The following PXT1 variants were observed in gnomAD, a reference collection of about 807,000 sequenced individuals.
The protein encoded by PXT1 is peroxisomal testis enriched protein 1, also known as peroxisomal testis-specific protein 1.
In PXT1, 11 loss-of-function variants were observed where a neutral mutation model predicts 11.0. The observed-to-expected ratio is 1.00, with a 90% CI of 0.63 to 1.66. PXT1 has a LOEUF of 1.66. Ranked by LOEUF, PXT1 falls within the 40% of genes most tolerant of loss-of-function variation. The probability of loss-of-function intolerance (pLI) is 0.00; values close to 1 mark genes in which losing one functional copy is unlikely to be tolerated. For missense variants in PXT1, 141 were observed against 155.5 expected, an observed-to-expected ratio of 0.91 and a Z score of 0.49; for synonymous variants, 43 against 51.4, an observed-to-expected ratio of 0.84 and a Z score of 0.70.
At chr6:36,411,519 A>G (rs1774375652) in intron 3 of PXT1, among the ~76,000 whole-genome samples, 1 of 152,234 alleles carries the variant, frequency 6.6e-6, no homozygotes, top group Non-Finnish European at 1.5e-5. Context: ...TTGATGAGTT[A>G]CACAGAACAG....
At chr6:36,430,121 T>C (rs628314) in intron 2 of PXT1, among the ~76,000 whole-genome samples, 65,235 of 151,548 alleles carry the variant, frequency 0.43, 15,489 homozygotes, top group African/African-American at 0.61. Context: ...GCAGGAAAAT[T>C]GCCTGAACCC....
At chr6:36,413,273 T>C (rs1774400274) in intron 3 of PXT1, among the ~76,000 whole-genome samples, 1 of 151,910 alleles carries the variant, frequency 6.6e-6, no homozygotes. Flanking sequence ...AAAAATTAGC[T>C]GGGTGTGGTG....
chr6:36,433,871 G>A (rs937978447), intron 2 of PXT1, among the ~76,000 whole-genome samples: 2 of 143,868 alleles, frequency 1.4e-5, no homozygotes, highest in African/African-American at 2.6e-5. Context: ...AGATAAGAAA[G>A]CCAAATGCAA....
Position 36,426,070 on chromosome 6 carries a change from G to T in PXT1, c.13C>A (p.His5Asn). Residue 5 changes from histidine (H) to asparagine (N), a missense_variant, in exon 3 of 5, where the codon CAT becomes AAT. His to Asn is a moderately conservative substitution (Grantham distance 68, BLOSUM62 1). Coordinates refer to ENST00000454782, the MANE Select transcript of PXT1 (RefSeq NM_152990.4). ...TTAGTTTCATAAACAATGCCATCAT[G>T]TTTTTTCTTCATGTTTTTTCCCTGT... MKKK[H>N]DGIVYETKEV... 1.3e-6 allele frequency: 2 copies of T among 1,507,050 alleles called. No homozygotes were observed. Among genetic ancestry groups the T allele is most frequent in the East Asian group, 2.5e-5 (1 of 39,224 alleles). The allele number at this position is 1,507,050 out of a possible 1,614,324, so 93.4% of individuals were successfully genotyped here.
chr6:36,410,841 G>A (rs1376087942), intron 3 of PXT1, among the ~76,000 whole-genome samples: 3 of 152,190 alleles, frequency 2.0e-5, no homozygotes, highest in Non-Finnish European at 2.9e-5. Context: ...CCATTTGGGA[G>A]AGTCCTGGAG....
intron 4 of PXT1, among the ~76,000 whole-genome samples, chr6:36,396,594 C>T (rs1332449476): frequency 6.6e-6 from 1 of 152,212 alleles, no homozygotes; most frequent in Non-Finnish European, 1.5e-5. Flanking sequence ...CAGGGAAGGC[C>T]TAAAGGCTGG....
At chr6:36,408,831 T>G (rs1212577645) in intron 3 of PXT1, among the ~76,000 whole-genome samples, 1 of 151,512 alleles carries the variant, frequency 6.6e-6, no homozygotes, top group Non-Finnish European at 1.5e-5. Flanking sequence ...CAGTGACCCA[T>G]GATCATGCCA....
intron 3 of PXT1, among the ~76,000 whole-genome samples, chr6:36,408,850 C>T (rs377753492): frequency 6.6e-6 from 1 of 151,834 alleles, no homozygotes; most frequent in East Asian, 1.9e-4. Flanking sequence ...CACTGCACCC[C>T]AGCCTGGGTG....
chr6:36,427,118 T>C (rs550072865), intron 2 of PXT1, among the ~76,000 whole-genome samples: 10 of 151,600 alleles, frequency 6.6e-5, no homozygotes, highest in African/African-American at 2.2e-4. Flanking sequence ...TTCTCCTGCC[T>C]CACCCTCCCG....
chr6:36,418,064 C>T (rs1031149782), intron 3 of PXT1, among the ~76,000 whole-genome samples: 1 of 151,204 alleles, frequency 6.6e-6, no homozygotes, highest in Non-Finnish European at 1.5e-5. Context: ...GGCGTGGTGG[C>T]GGGCGCCTGT....
chr6:36,400,729 G>C, intron 3 of PXT1, 145 bp from the exon 4 acceptor site: 3 of 778,736 alleles, frequency 3.9e-6, no homozygotes, highest in Non-Finnish European at 5.8e-6. Context: ...AGCACTTTAG[G>C]AGGCCGAGGT....
At position 36,391,729 on chromosome 6, in the gene PXT1, A is replaced by G; in HGVS notation, c.*41T>C. 1.5e-6 allele frequency: 2 copies of G among 1,339,634 alleles called. No individual in the cohort carries two copies. Among genetic ancestry groups the G allele is most frequent in the Non-Finnish European group, 2.1e-6 (2 of 931,464 alleles). 83.0% of individuals were successfully genotyped at this position (1,339,634 alleles called of 1,614,324 possible). On this transcript the variant is annotated 3_prime_UTR_variant, in exon 5 of 5. Coordinates refer to ENST00000454782, the MANE Select transcript of PXT1 (RefSeq NM_152990.4). The stretch of plus-strand genomic sequence containing the variant: ...TGGGATTCATGTTTCTCAGAGGGTA[A>G]AAAGAAAACAGAACTTGACCACTTG...
chr6:36,399,136 C>T (rs12193207), intron 4 of PXT1, among the ~76,000 whole-genome samples: 18 of 35,364 alleles, frequency 5.1e-4, no homozygotes, highest in African/African-American at 1.1e-3. Context: ...TATTTTATTT[C>T]ATTTCATTTC....
At chr6:36,432,019 C>T (rs1249898452) in intron 2 of PXT1, among the ~76,000 whole-genome samples, 3 of 152,000 alleles carry the variant, frequency 2.0e-5, no homozygotes, top group South Asian at 4.2e-4. Context: ...TGCAGTGAGC[C>T]GAGATTGCGC....
At chr6:36,392,504 A>C (rs1385650076) in intron 4 of PXT1, among the ~76,000 whole-genome samples, 2 of 152,138 alleles carry the variant, frequency 1.3e-5, no homozygotes, top group African/African-American at 4.8e-5. Flanking sequence ...CCTCATCTCT[A>C]GAAAAACTGA....
At chr6:36,427,485 C>T (rs1774624930) in intron 2 of PXT1, among the ~76,000 whole-genome samples, 1 of 152,158 alleles carries the variant, frequency 6.6e-6, no homozygotes, top group African/African-American at 2.4e-5. Flanking sequence ...AGGTGGACTT[C>T]AGGAGCCTTA....
intron 4 of PXT1, among the ~76,000 whole-genome samples, chr6:36,399,430 A>G (rs1774185752): frequency 6.6e-6 from 1 of 152,202 alleles, no homozygotes; most frequent in African/African-American, 2.4e-5. Context: ...TACAGGCGTG[A>G]GCCACCGCAC....
At chr6:36,440,554 G>T (rs1774843214) in intron 1 of PXT1, among the ~76,000 whole-genome samples, 1 of 151,302 alleles carries the variant, frequency 6.6e-6, no homozygotes, top group South Asian at 2.1e-4. Flanking sequence ...CCCAGCCTGA[G>T]CAACAAAGGG....
chr6:36,395,372 G>T (rs775118744), intron 4 of PXT1, among the ~76,000 whole-genome samples: 1 of 151,960 alleles, frequency 6.6e-6, no homozygotes, highest in Non-Finnish European at 1.5e-5. Context: ...AGTACAAAAG[G>T]TAAATAAATG....
Sources: allele counts gnomAD v4.1 joint callset (sites outside exome capture counted in the v4.1 genomes callset), GRCh38; gene constraint gnomAD v4.1.1; transcripts MANE v1.5; gene names NCBI Gene and HGNC (gene_info 2026-07-23, HGNC 2026-07-21).